Variants in RPL26L1 observed in about 807,000 individuals in gnomAD.
RPL26L1 encodes the protein ribosomal protein L26 like 1, also known as ribosomal protein uL24-like.
RPL26L1 carries 8 observed loss-of-function variants against 15.2 expected under a neutral mutation model. The observed-to-expected ratio is 0.53, with a 90% CI of 0.31 to 0.95. The LOEUF (loss-of-function observed/expected upper bound fraction) is 0.95, where lower values mean the gene tolerates loss of function less well. Ranked by LOEUF, RPL26L1 falls within the 40% of genes least tolerant of loss-of-function variation. The pLI is 0.05. For synonymous variants in RPL26L1, 51 were observed against 65.9 expected (o/e 0.77, Z 1.09); for missense variants, 146 against 190.9 (o/e 0.76, Z 1.39).
Position 172,967,243 on chromosome 5 carries a change from T to A in RPL26L1, c.169-1216T>A, listed in dbSNP as rs533984826. Among the ~76,000 whole-genome samples the A allele has an allele frequency of 4.5e-3, 680 of 152,020 alleles. 2 individuals carry two copies. The highest frequency in any genetic ancestry group is 0.027 in the Middle Eastern group (8 of 294). ...ACTTTGGGAGGCCGAGGCAGGCAGA[T>A]CACTTGAGGTCAGGAGTTCGAGACC... is the stretch of plus-strand genomic sequence containing the variant. On this transcript the variant is annotated intron_variant, in intron 2 of 3. Transcript: ENST00000265100.
intron 2 of RPL26L1, among the ~76,000 whole-genome samples, chr5:172,966,547 T>A (rs1359175124): frequency 1.3e-5 from 2 of 152,014 alleles, no homozygotes; most frequent in Non-Finnish European, 2.9e-5. Context: ...GTGGATCTCT[T>A]GAGCTCAGGT....
intron 2 of RPL26L1, among the ~76,000 whole-genome samples, chr5:172,967,649 A>C (rs894938639): frequency 6.6e-6 from 1 of 152,050 alleles, no homozygotes; most frequent in Non-Finnish European, 1.5e-5. Context: ...AAATCTAAAA[A>C]TCAGTCATCT....
chr5:172,957,180 T>C (rs541603291), upstream of RPL26L1: 2 of 456,246 alleles, frequency 4.4e-6, no homozygotes, highest in East Asian at 7.0e-5. Flanking sequence ...GCTAGGTGCT[T>C]TGAGTTCCTG....
In RPL26L1 at chr5:172,964,281, CT is replaced by C. The variant is rs1204432096; in HGVS notation, c.169-4157del. ...TGAGCCACAGTGTCTGGCCTGTTGCCTTTTTTTTTTTTTTTTTTTTTGAGAC... is the reference window on the plus strand; with the variant it reads ...TGAGCCACAGTGTCTGGCCTGTTGCCTTTTTTTTTTTTTTTTTTTTGAGAC... On this transcript the variant is annotated intron_variant, in intron 2 of 3. Transcript: ENST00000265100. 6.2e-3 allele frequency among the ~76,000 whole-genome samples: 618 copies of C among 99,216 alleles called. 31 individuals carry two copies. The highest frequency in any genetic ancestry group is 0.021 in the African/African-American group (587 of 27,672). 65.1% of individuals were successfully genotyped at this position (99,216 alleles called of 152,430 possible). A position where few individuals can be genotyped will look rare whatever the true frequency, so the allele number is the denominator to read the frequency against.
upstream of RPL26L1, chr5:172,958,362 C>A: frequency 2.2e-6 from 1 of 455,970 alleles, no homozygotes; most frequent in Non-Finnish European, 4.4e-6. Context: ...AGAGAGAGCA[C>A]GGGACCTGCC....
intron 2 of RPL26L1, among the ~76,000 whole-genome samples, chr5:172,967,850 C>T (rs1755521644): frequency 6.6e-6 from 1 of 151,236 alleles, no homozygotes; most frequent in Non-Finnish European, 1.5e-5. Flanking sequence ...ATGTATGTTA[C>T]ATATAAGTAC....
intron 3 of RPL26L1, among the ~76,000 whole-genome samples, chr5:172,968,803 C>CTTGTTTTT: frequency 1.3e-5 from 1 of 74,346 alleles, no homozygotes; most frequent in Non-Finnish European, 2.3e-5. Context: ...ATGGCTGTGT[C>CTTGTTTTT]TTTTTTTTTT....
rs890285835 is a variant in RPL26L1, at chr5:172,965,865, T to G, written c.169-2594T>G. Among the ~76,000 whole-genome samples, 10 of 152,370 alleles carry G rather than the reference T, an allele frequency of 6.6e-5. 2 individuals are homozygous for G. The highest frequency in any genetic ancestry group is 6.5e-5 in the Admixed American group (1 of 15,302). ...TGGCATTCCAGCTGTGTCTGAATTC[T>G]CTGTTAGAATGTCCCCAGATGCTTC... On this transcript the variant is annotated intron_variant, in intron 2 of 3. Transcript: ENST00000265100.
chr5:172,957,862 T>G (rs1755027744), upstream of RPL26L1: 1 of 167,208 alleles, frequency 6.0e-6, no homozygotes, highest in South Asian at 1.4e-4. Flanking sequence ...GATACTGCCT[T>G]AACTGCTTTA....
At chr5:172,957,163 C>T (rs1345206892), upstream of RPL26L1, 3 of 456,130 alleles carry the variant, frequency 6.6e-6, no homozygotes, top group Non-Finnish European at 1.3e-5. Flanking sequence ...CCAGACACTT[C>T]CTCTGTGCTA....
At chr5:172,957,239 A>G (rs1408303766), upstream of RPL26L1, 1 of 456,300 alleles carries the variant, frequency 2.2e-6, no homozygotes, top group Admixed American at 2.3e-5. Context: ...GTCTCACTAC[A>G]TTGTTAGAAT....
At chr5:172,963,558 G>A (rs1755330799) in intron 2 of RPL26L1, among the ~76,000 whole-genome samples, 1 of 152,048 alleles carries the variant, frequency 6.6e-6, no homozygotes, top group African/African-American at 2.4e-5. Context: ...TCTGCCTGGA[G>A]TGCTCTTCCT....
In RPL26L1 at chr5:172,960,039, C is replaced by T. The variant is rs1246506604; in HGVS notation, c.166C>T (p.Gln56Ter). 1.2e-6 allele frequency: 2 copies of T among 1,614,088 alleles called. No individual in the cohort carries two copies. Among genetic ancestry groups the T allele is most frequent in the Non-Finnish European group, 1.7e-6 (2 of 1,180,002 alleles). ...GCCCATCCGCAAGGACGACGAGGTC[C>T]AGGTACGTCTCCCTCCGGCGCTAGT... ...SMPIRKDDEV[Q>*]VVRGHYKGQQ... The change falls in exon 2 of 4, where the codon CAG becomes TAG. Residue 56 changes from glutamine (Q) to a stop codon, truncating the protein, a stop_gained and splice_region_variant. Coordinates refer to ENST00000265100, the MANE Select transcript of RPL26L1 (RefSeq NM_016093.4). LOFTEE classifies it high-confidence loss of function.
chr5:172,955,971 A>T (rs527981394), upstream of RPL26L1: 1 of 152,236 alleles, frequency 6.6e-6, no homozygotes, highest in African/African-American at 2.4e-5. Context: ...AAAACTGGAA[A>T]TAGGGGTGGT....
chr5:172,960,860 G>A (rs1198482058), intron 2 of RPL26L1, among the ~76,000 whole-genome samples: 2 of 142,112 alleles, frequency 1.4e-5, no homozygotes, highest in East Asian at 4.1e-4. Flanking sequence ...TTTAGAGCAG[G>A]GTTTCCTAGC....
chr5:172,963,553 C>T (rs1165600057), intron 2 of RPL26L1, among the ~76,000 whole-genome samples: 2 of 152,106 alleles, frequency 1.3e-5, no homozygotes, highest in Non-Finnish European at 2.9e-5. Flanking sequence ...TTCTCTCTGC[C>T]TGGAGTGCTC....
At chr5:172,968,803 CTTTTTT>C (rs539398008) in intron 3 of RPL26L1, among the ~76,000 whole-genome samples, 2 of 74,348 alleles carry the variant, frequency 2.7e-5, no homozygotes, top group African/African-American at 5.6e-5. Context: ...ATGGCTGTGT[CTTTTTT>C]TTTTTTTTTT....
chr5:172,964,935 A>G (rs140381521), intron 2 of RPL26L1, among the ~76,000 whole-genome samples: 12 of 152,312 alleles, frequency 7.9e-5, no homozygotes, highest in Admixed American at 3.9e-4. Flanking sequence ...TGTAATCTCA[A>G]CACTCTGAGA....
chr5:172,959,358 A>T, upstream of RPL26L1: 1 of 1,001,842 alleles, frequency 1.0e-6, no homozygotes. Flanking sequence ...TGGGGGCGCC[A>T]TTCGACTTCG....
Sources: gnomAD v4.1 joint callset for allele counts (sites outside exome capture counted in the v4.1 genomes callset) on GRCh38, gnomAD v4.1.1 for gene constraint, MANE v1.5 for transcripts, NCBI Gene and HGNC (gene_info 2026-07-23, HGNC 2026-07-21) for gene names.